The following IMMP2L variants were observed in gnomAD, a reference collection of about 807,000 sequenced individuals.
IMMP2L encodes mitochondrial inner membrane protease subunit 2.
A neutral mutation model predicts 19.3 loss-of-function variants in IMMP2L; 18 were observed. The ratio of observed to expected loss-of-function variants is 0.93; its 90% CI spans 0.64 to 1.38. The LOEUF is 1.38. Among genes scored for constraint, IMMP2L ranks in the 40% most tolerant of loss-of-function variants. The probability of loss-of-function intolerance (pLI) is 0.00; values close to 1 mark genes in which losing one functional copy is unlikely to be tolerated. For missense variants in IMMP2L, 233 were observed against 218.2 expected, an observed-to-expected ratio of 1.07 and a Z score of -0.43; for synonymous variants, 76 against 73.0, an observed-to-expected ratio of 1.04 and a Z score of -0.21.
chr7:110,783,149 T>A (rs971433296), intron 5 of IMMP2L, among the ~76,000 whole-genome samples: 1 of 151,862 alleles, frequency 6.6e-6, no homozygotes, highest in Non-Finnish European at 1.5e-5. Flanking sequence ...TAGCTTAAAC[T>A]CAGCTATCAG....
chr7:110,950,994 A>T (rs2129554171), intron 4 of IMMP2L, among the ~76,000 whole-genome samples: 1 of 151,668 alleles, frequency 6.6e-6, no homozygotes, highest in Admixed American at 6.6e-5. Context: ...ATGAACCTCG[A>T]CAGTATTATG....
intron 3 of IMMP2L, among the ~76,000 whole-genome samples, chr7:111,459,380 G>C (rs1839945527): frequency 6.6e-6 from 1 of 152,076 alleles, no homozygotes; most frequent in Non-Finnish European, 1.5e-5. Context: ...CAGGAATCTT[G>C]TCCCTTGTGC....
At chr7:111,545,969 C>G (rs1172254261) in intron 1 of IMMP2L, among the ~76,000 whole-genome samples, 1 of 152,036 alleles carries the variant, frequency 6.6e-6, no homozygotes, top group Non-Finnish European at 1.5e-5. Context: ...TCTTAAGTCT[C>G]CTCCAAAATA....
intron 3 of IMMP2L, among the ~76,000 whole-genome samples, chr7:111,214,504 G>GTTTT (rs71151836): frequency 9.3e-5 from 9 of 97,040 alleles, no homozygotes; most frequent in Non-Finnish European, 1.4e-4. Context: ...CACCAAATCT[G>GTTTT]TTTTTTTTTT....
intron 3 of IMMP2L, chr7:111,090,949 C>T (rs568876625): frequency 2.0e-5 from 3 of 152,162 alleles, no homozygotes; most frequent in African/African-American, 7.2e-5. Context: ...GGAAAACATG[C>T]AAGCCTGTTT....
At chr7:111,542,694 C>G (rs962768566) in intron 1 of IMMP2L, among the ~76,000 whole-genome samples, 15 of 152,106 alleles carry the variant, frequency 9.9e-5, no homozygotes, top group African/African-American at 3.4e-4. Context: ...TCTGAATACA[C>G]AATTAATTCA....
intron 3 of IMMP2L, among the ~76,000 whole-genome samples, chr7:111,397,940 C>A (rs1802710005): frequency 6.6e-6 from 1 of 151,940 alleles, no homozygotes; most frequent in South Asian, 2.1e-4. Flanking sequence ...CCTTTCTGGG[C>A]CTACTATGAA....
At chr7:111,125,019 C>T (rs557018338) in intron 3 of IMMP2L, 92 of 759,364 alleles carry the variant, frequency 1.2e-4, no homozygotes, top group South Asian at 1.3e-4. Context: ...AGATTACTTT[C>T]GAGAGAGAAG....
At chr7:111,339,951 A>G (rs1826846490) in intron 3 of IMMP2L, among the ~76,000 whole-genome samples, 1 of 152,036 alleles carries the variant, frequency 6.6e-6, no homozygotes, top group Admixed American at 6.6e-5. Flanking sequence ...GCTAGTTGGG[A>G]TTCTCAGGCA....
chr7:111,068,206 G>A (rs1409359560), intron 3 of IMMP2L, among the ~76,000 whole-genome samples: 1 of 151,996 alleles, frequency 6.6e-6, no homozygotes, highest in Non-Finnish European at 1.5e-5. Flanking sequence ...CTAAGAGAAG[G>A]AAAGAGTGTG....
In IMMP2L at chr7:110,682,623, T is replaced by C. The variant is rs574333131; in HGVS notation, c.409-18902A>G. 2.0e-5 allele frequency among the ~76,000 whole-genome samples: 3 copies of C among 152,222 alleles called. 1 individual carries two copies. In the South Asian group the frequency reaches 6.2e-4, roughly 32 times the overall value. On this transcript the variant is annotated intron_variant, in intron 5 of 5. Coordinates refer to ENST00000405709, the MANE Select transcript of IMMP2L (RefSeq NM_032549.4). ...GGAAAGATGGTAATGCCATGAACAGTCACGGGATCACAGTACAAGGAGCAG... is the reference window on the plus strand; with the variant it reads ...GGAAAGATGGTAATGCCATGAACAGCCACGGGATCACAGTACAAGGAGCAG...
chr7:111,097,143 A>C (rs866925448), intron 3 of IMMP2L: 1 of 151,860 alleles, frequency 6.6e-6, no homozygotes, highest in African/African-American at 2.4e-5. Flanking sequence ...GGTTAGTATC[A>C]ATAGGCAACA....
At chr7:110,768,659 T>C (rs142566108) in intron 5 of IMMP2L, among the ~76,000 whole-genome samples, 1 of 152,188 alleles carries the variant, frequency 6.6e-6, no homozygotes, top group Non-Finnish European at 1.5e-5. Flanking sequence ...AGCTTCCGCT[T>C]ATCCTATGGA....
intron 3 of IMMP2L, among the ~76,000 whole-genome samples, chr7:111,156,990 T>TC (rs1347421642): frequency 4.6e-5 from 7 of 152,028 alleles, no homozygotes; most frequent in African/African-American, 1.7e-4. Flanking sequence ...ATATCACTGA[T>TC]CAACAGAGAA....
chr7:110,940,162 C>CA (rs1816576601), intron 4 of IMMP2L, among the ~76,000 whole-genome samples: 1 of 151,436 alleles, frequency 6.6e-6, no homozygotes, highest in African/African-American at 2.4e-5. Context: ...ACTAAAAATA[C>CA]AAAAAAATTA....
intron 3 of IMMP2L, among the ~76,000 whole-genome samples, chr7:111,292,904 CT>C (rs1821260809): frequency 6.6e-6 from 1 of 151,974 alleles, no homozygotes; most frequent in Non-Finnish European, 1.5e-5. Context: ...CTTTGAACTA[CT>C]TTCACAGCAC....
At position 110,870,205 on chromosome 7, in the gene IMMP2L, G is replaced by A. The variant is rs1808390514; in HGVS notation, c.408+16388C>T. On this transcript the variant is annotated intron_variant, in intron 5 of 5. Coordinates refer to ENST00000405709, the MANE Select transcript of IMMP2L (RefSeq NM_032549.4). The surrounding 1 kb of genome is among the most constrained non-coding windows in gnomAD (Gnocchi z 4.2). ...TCTTTCTGAAAAGTGCATCATGTCA[G>A]GAGCCTTCTTCCAATCTCCACTAAC... Among the ~76,000 whole-genome samples, 1 of 152,064 alleles carries A rather than the reference G, an allele frequency of 6.6e-6. No individual in the cohort carries two copies. Among genetic ancestry groups the A allele is most frequent in the African/African-American group, 2.4e-5 (1 of 41,424 alleles).
intron 1 of IMMP2L, among the ~76,000 whole-genome samples, chr7:111,558,741 A>G (rs1287771871): frequency 6.6e-6 from 1 of 152,148 alleles, no homozygotes; most frequent in Non-Finnish European, 1.5e-5. Context: ...TAAGCACACA[A>G]TGAGTTTAAA....
chr7:111,271,355 C>A (rs1302601083), intron 3 of IMMP2L, among the ~76,000 whole-genome samples: 1 of 152,076 alleles, frequency 6.6e-6, no homozygotes, highest in Non-Finnish European at 1.5e-5. Flanking sequence ...TATACACACC[C>A]AATGGAAGAA....
Sources: gnomAD v4.1 joint callset for allele counts (sites outside exome capture counted in the v4.1 genomes callset) on GRCh38, gnomAD v4.1.1 for gene constraint, Gnocchi (gnomAD v3.1) non-coding constraint, MANE v1.5 for transcripts, NCBI Gene and HGNC (gene_info 2026-07-23, HGNC 2026-07-21) for gene names.